BICD1: variants seen among roughly 807,000 people sequenced by gnomAD.
BICD1 encodes protein bicaudal D homolog 1.
Under a neutral mutation model 92.5 loss-of-function variants are expected in BICD1, and 35 were observed. That is an observed-to-expected ratio of 0.38 (90% CI 0.29 to 0.50). The LOEUF is 0.50. Among genes scored for constraint, BICD1 ranks in the 20% least tolerant of loss-of-function variants. BICD1 has a pLI of 0.93. For missense variants in BICD1, 950 were observed against 1,189.8 expected (o/e 0.80, Z 2.97); for synonymous variants, 429 against 465.1 (o/e 0.92, Z 1.00).
intron 2 of BICD1, among the ~76,000 whole-genome samples, chr12:32,256,289 G>A (rs1360516779): frequency 6.6e-6 from 1 of 152,140 alleles, no homozygotes; most frequent in Non-Finnish European, 1.5e-5. Flanking sequence ...GCTTCAAGCA[G>A]TCCTCCTGCT....
At chr12:32,305,624 T>C (rs1948190550) in intron 3 of BICD1, 73 bp from the exon 4 acceptor site, 2 of 1,377,408 alleles carry the variant, frequency 1.5e-6, no homozygotes, top group Non-Finnish European at 9.8e-7. Flanking sequence ...TTAGGTCCAC[T>C]AGAGTGTTTA....
intron 4 of BICD1, among the ~76,000 whole-genome samples, chr12:32,309,477 A>G (rs938090879): frequency 1.3e-5 from 2 of 152,216 alleles, no homozygotes; most frequent in Non-Finnish European, 2.9e-5. Flanking sequence ...CGGTGATCAA[A>G]TAATATTAAC....
At chr12:32,333,321 A>G (rs1241227663) in intron 5 of BICD1, 3 of 933,714 alleles carry the variant, frequency 3.2e-6, no homozygotes, top group Middle Eastern at 5.4e-4. Flanking sequence ...ATACAGAAGT[A>G]TTTTATGAGT....
In BICD1 at chr12:32,283,104, T is replaced by C. The variant is rs565580963; in HGVS notation, c.427-10890T>C. On this transcript the variant is annotated intron_variant, in intron 2 of 9. Transcript: ENST00000652176. ...GGGGTTTTTTTCCCCCTTAAGGAAA[T>C]ATGAGGCAAGGTTTTCAGGGAGGGA... 1.4e-3 allele frequency among the ~76,000 whole-genome samples: 217 copies of C among 151,722 alleles called. 1 individual carries two copies. Among genetic ancestry groups the C allele is most frequent in the Non-Finnish European group, 2.8e-3 (191 of 67,954 alleles).
chr12:32,281,392 G>A (rs1947408350), intron 2 of BICD1, among the ~76,000 whole-genome samples: 1 of 152,016 alleles, frequency 6.6e-6, no homozygotes, highest in Non-Finnish European at 1.5e-5. Context: ...ATACATTACT[G>A]CCCAACAGAG....
intron 1 of BICD1, among the ~76,000 whole-genome samples, chr12:32,124,699 G>C (rs1397956225): frequency 6.6e-6 from 1 of 152,138 alleles, no homozygotes; most frequent in Non-Finnish European, 1.5e-5. Flanking sequence ...GGGATTTTCC[G>C]GGGAGAGAAG....
rs530318171 is a variant in BICD1 at position 32,121,722 on chromosome 12, C to T, written c.213+14178C>T. On this transcript the variant is annotated intron_variant, in intron 1 of 9. Coordinates refer to ENST00000652176, the MANE Select transcript of BICD1 (RefSeq NM_001714.4). ...CTGCACTCCAGCCTGGGCAACAGAA[C>T]AAGACTCTATCTCAAACAAACAAAC... 1.1e-4 allele frequency among the ~76,000 whole-genome samples: 16 copies of T among 152,088 alleles called. 1 individual carries two copies. Among genetic ancestry groups the T allele is most frequent in the African/African-American group, 2.7e-4 (11 of 41,498 alleles).
intron 9 of BICD1, 75 bp downstream of exon 9, chr12:32,367,820 C>T: frequency 1.5e-6 from 2 of 1,302,778 alleles, no homozygotes; most frequent in Non-Finnish European, 2.2e-6. Context: ...TTTCCGACAC[C>T]TGAACTGCCT....
At chr12:32,307,940 G>C (rs1363657941) in intron 4 of BICD1, among the ~76,000 whole-genome samples, 1 of 152,118 alleles carries the variant, frequency 6.6e-6, no homozygotes, top group Non-Finnish European at 1.5e-5. Context: ...CAGGCTTTTT[G>C]TTTATTCCTT....
At chr12:32,200,750 T>C (rs1944883031) in intron 1 of BICD1, among the ~76,000 whole-genome samples, 1 of 152,212 alleles carries the variant, frequency 6.6e-6, no homozygotes, top group African/African-American at 2.4e-5. Flanking sequence ...AATAATGTTA[T>C]TATAAATAAT....
chr12:32,237,704 A>G (rs1946113367), intron 2 of BICD1, among the ~76,000 whole-genome samples: 1 of 152,208 alleles, frequency 6.6e-6, no homozygotes, highest in Non-Finnish European at 1.5e-5. Context: ...CTGTTTATAG[A>G]GTGGTTTATC....
chr12:32,278,567 T>C (rs938796006), intron 2 of BICD1, among the ~76,000 whole-genome samples: 1 of 152,198 alleles, frequency 6.6e-6, no homozygotes, highest in Non-Finnish European at 1.5e-5. Flanking sequence ...AAAAATTAAC[T>C]AGCAGCCCGG....
chr12:32,291,502 G>A (rs531027312), intron 2 of BICD1, among the ~76,000 whole-genome samples: 1 of 148,082 alleles, frequency 6.8e-6, no homozygotes, highest in African/African-American at 2.5e-5. Flanking sequence ...AAGGCACCTG[G>A]GCAACAGAGC....
intron 1 of BICD1, among the ~76,000 whole-genome samples, chr12:32,115,387 G>GTTTTTTTTTTTT (rs4035442): frequency 1.4e-5 from 2 of 142,416 alleles, no homozygotes; most frequent in African/African-American, 2.6e-5. Context: ...GGTGTTTTTG[G>GTTTTTTTTTTTT]TTTTTTTTTT....
chr12:32,234,626 G>A (rs1261439463), intron 2 of BICD1, among the ~76,000 whole-genome samples: 1 of 140,692 alleles, frequency 7.1e-6, no homozygotes. Context: ...AAGAAAGAAA[G>A]AAAGAAAAGC....
chr12:32,139,868 G>T (rs961736441), intron 1 of BICD1, among the ~76,000 whole-genome samples: 2 of 151,958 alleles, frequency 1.3e-5, no homozygotes, highest in African/African-American at 2.4e-5. Flanking sequence ...CCTGGGCACA[G>T]AGTTAAAAAA....
At chr12:32,169,736 A>G (rs144019845) in intron 1 of BICD1, among the ~76,000 whole-genome samples, 300 of 151,810 alleles carry the variant, frequency 2.0e-3, no homozygotes, top group South Asian at 0.017. Flanking sequence ...AGTTCTACCC[A>G]TGTGGCTTTA....
In BICD1 at chr12:32,247,706, A is replaced by T. The variant is rs576268834; in HGVS notation, c.426+31247A>T. 5.9e-5 allele frequency among the ~76,000 whole-genome samples: 9 copies of T among 152,238 alleles called. No individual in the cohort carries two copies. In the East Asian group the frequency reaches 1.7e-3, roughly 29 times the overall value. Reference sequence around the variant, plus strand: ...CTACTCAGGAGGCTGAGGCAGGAAAATTGGTTGAACTGTGAGGCAGAGGTT... The same window carrying T: ...CTACTCAGGAGGCTGAGGCAGGAAATTTGGTTGAACTGTGAGGCAGAGGTT... On this transcript the variant is annotated intron_variant, in intron 2 of 9. Transcript: ENST00000652176.
chr12:32,361,725 A>C, intron 8 of BICD1, among the ~76,000 whole-genome samples: 1 of 152,010 alleles, frequency 6.6e-6, no homozygotes, highest in East Asian at 1.9e-4. Context: ...TCTTGTGAAA[A>C]AGTAGGGATG....
Sources: allele counts gnomAD v4.1 joint callset (sites outside exome capture counted in the v4.1 genomes callset), GRCh38; gene constraint gnomAD v4.1.1; transcripts MANE v1.5; gene names NCBI Gene and HGNC (gene_info 2026-07-23, HGNC 2026-07-21).